Variants in RPS6KC1 observed in about 807,000 individuals in gnomAD.
RPS6KC1 encodes the protein inactive ribosomal protein S6 kinase delta-1.
RPS6KC1 carries 54 observed loss-of-function variants against 103.8 expected under a neutral mutation model. The observed-to-expected ratio is 0.52, with a 90% CI of 0.42 to 0.65. RPS6KC1 has a LOEUF of 0.65. Ranked by LOEUF, RPS6KC1 falls within the 30% of genes least tolerant of loss-of-function variation. RPS6KC1 has a pLI of 0.00. For synonymous variants in RPS6KC1, 439 were observed against 438.7 expected, an observed-to-expected ratio of 1.00 and a Z score of -0.01; for missense variants, 1,151 against 1,253.8, an observed-to-expected ratio of 0.92 and a Z score of 1.24.
chr1:213,197,819 C>T (rs2093009476), intron 8 of RPS6KC1, among the ~76,000 whole-genome samples: 1 of 152,116 alleles, frequency 6.6e-6, no homozygotes, highest in Non-Finnish European at 1.5e-5. Flanking sequence ...TTTTCCATCC[C>T]TTTTCCTTAA....
chr1:213,610,307 G>A, the RPS6KC1 span, among the ~76,000 whole-genome samples: 1 of 152,178 alleles, frequency 6.6e-6, no homozygotes, highest in Admixed American at 6.6e-5. Context: ...GAGAAGTGAT[G>A]GCAGACTAAT....
chr1:213,281,696 T>A, the RPS6KC1 span, among the ~76,000 whole-genome samples: 3 of 152,204 alleles, frequency 2.0e-5, no homozygotes, highest in African/African-American at 7.2e-5. Flanking sequence ...TTAAGCTATA[T>A]CCCGTAGCTT....
At chr1:213,413,725 C>T in the RPS6KC1 span, among the ~76,000 whole-genome samples, 1 of 152,180 alleles carries the variant, frequency 6.6e-6, no homozygotes, top group African/African-American at 2.4e-5. Flanking sequence ...CTTCAGAAAT[C>T]ACACTTCTTC....
At chr1:213,413,920 G>T in the RPS6KC1 span, among the ~76,000 whole-genome samples, 2 of 152,128 alleles carry the variant, frequency 1.3e-5, no homozygotes, top group African/African-American at 4.8e-5. Flanking sequence ...AGATACTTAG[G>T]AGACCACAGG....
At chr1:213,534,317 C>T in the RPS6KC1 span, among the ~76,000 whole-genome samples, 18,815 of 152,200 alleles carry the variant, frequency 0.12, 1,845 homozygotes, top group East Asian at 0.28. Context: ...TATTGAAGAT[C>T]ATAAAAGCTA....
At position 213,168,112 on chromosome 1, in the gene RPS6KC1, A is replaced by G. The variant is rs188412224; in HGVS notation, c.951+139A>G. ...GATTTTCATAAAGGTTGTTGGTAGAAAGAAATGCATTATAGCAAACCACCA... is the reference window on the plus strand; with the variant it reads ...GATTTTCATAAAGGTTGTTGGTAGAGAGAAATGCATTATAGCAAACCACCA... On this transcript the variant is annotated intron_variant, in intron 7 of 14. Transcript: ENST00000366960. 8.1e-4 allele frequency: 445 copies of G among 548,630 alleles called. 3 individuals are homozygous for G. The East Asian group carries it at 0.014, about 17-fold the overall frequency. 34.0% of individuals were successfully genotyped at this position (548,630 alleles called of 1,614,324 possible).
At chr1:213,263,410 A>G (rs1443627901) in intron 14 of RPS6KC1, among the ~76,000 whole-genome samples, 1 of 152,162 alleles carries the variant, frequency 6.6e-6, no homozygotes, top group African/African-American at 2.4e-5. Context: ...GATTCCTCAT[A>G]CTTAAATTAC....
At chr1:213,155,347 G>T (rs2089752409) in intron 6 of RPS6KC1, among the ~76,000 whole-genome samples, 1 of 152,108 alleles carries the variant, frequency 6.6e-6, no homozygotes, top group Non-Finnish European at 1.5e-5. Context: ...AGTCCTTATG[G>T]CCTCAAATGC....
chr1:213,208,155 A>G (rs1350527172), intron 8 of RPS6KC1, among the ~76,000 whole-genome samples: 1 of 152,186 alleles, frequency 6.6e-6, no homozygotes, highest in East Asian at 1.9e-4. Flanking sequence ...GAATTTTAAA[A>G]TATCTCTCAA....
At chr1:213,815,906 T>C in the RPS6KC1 span, among the ~76,000 whole-genome samples, 1 of 152,230 alleles carries the variant, frequency 6.6e-6, no homozygotes, top group Non-Finnish European at 1.5e-5. Flanking sequence ...GCTTTTGATT[T>C]AGAGTAAGAG....
the RPS6KC1 span, among the ~76,000 whole-genome samples, chr1:213,328,504 C>CTATATACTATATA: frequency 2.0e-5 from 2 of 101,466 alleles, no homozygotes; most frequent in East Asian, 8.3e-4. Flanking sequence ...AGCCATTATA[C>CTATATACTATATA]TATATATATA....
the RPS6KC1 span, among the ~76,000 whole-genome samples, chr1:213,361,915 G>A: frequency 1.3e-5 from 2 of 152,222 alleles, no homozygotes; most frequent in African/African-American, 4.8e-5. Context: ...GGCTTTGGCT[G>A]TGAAGGGTGA....
At chr1:213,336,049 T>G in the RPS6KC1 span, among the ~76,000 whole-genome samples, 1 of 152,250 alleles carries the variant, frequency 6.6e-6, no homozygotes. Context: ...TAGCATTTTC[T>G]TCTTTTAAAA....
the RPS6KC1 span, among the ~76,000 whole-genome samples, chr1:213,356,358 G>A: frequency 6.6e-6 from 1 of 152,166 alleles, no homozygotes; most frequent in Non-Finnish European, 1.5e-5. Flanking sequence ...AGTGACCCAA[G>A]TAAAACCTGC....
intron 1 of RPS6KC1, among the ~76,000 whole-genome samples, chr1:213,062,547 A>T (rs1382504026): frequency 6.6e-6 from 1 of 152,090 alleles, no homozygotes. Flanking sequence ...TAATCAGATA[A>T]GAGAGTGCTT....
At chr1:213,051,944 G>C (rs1042298044) in intron 1 of RPS6KC1, among the ~76,000 whole-genome samples, 1 of 152,202 alleles carries the variant, frequency 6.6e-6, no homozygotes, top group African/African-American at 2.4e-5. Context: ...TTTGCTGTGA[G>C]AAAGACAGAT....
chr1:213,574,739 G>A, the RPS6KC1 span, among the ~76,000 whole-genome samples: 2 of 152,172 alleles, frequency 1.3e-5, no homozygotes, highest in Non-Finnish European at 2.9e-5. Context: ...GTGGTAACAT[G>A]GTGGGAAGTC....
chr1:213,153,632 T>C (rs1405018910), intron 6 of RPS6KC1, among the ~76,000 whole-genome samples: 1 of 152,212 alleles, frequency 6.6e-6, no homozygotes, highest in African/African-American at 2.4e-5. Context: ...AGTGTTATAA[T>C]ATTTGGTGTT....
the RPS6KC1 span, among the ~76,000 whole-genome samples, chr1:213,317,230 T>G: frequency 4.6e-5 from 7 of 152,304 alleles, no homozygotes; most frequent in East Asian, 7.7e-4. Context: ...ATTGCTTGCC[T>G]TTTTCTCCTT....
Sources: allele counts gnomAD v4.1 joint callset (sites outside exome capture counted in the v4.1 genomes callset), GRCh38; gene constraint gnomAD v4.1.1; transcripts MANE v1.5; gene names NCBI Gene and HGNC (gene_info 2026-07-23, HGNC 2026-07-21).